KIAA1328: variants seen among roughly 807,000 people sequenced by gnomAD.
KIAA1328 encodes protein hinderin.
A neutral mutation model predicts 68.1 loss-of-function variants in KIAA1328; 52 were observed. That is an observed-to-expected ratio of 0.76 (90% CI 0.61 to 0.96). The LOEUF (loss-of-function observed/expected upper bound fraction) is 0.96, where lower values mean the gene tolerates loss of function less well. Ranked by LOEUF, KIAA1328 falls within the 40% of genes least tolerant of loss-of-function variation. KIAA1328 has a pLI of 0.00. For synonymous variants in KIAA1328, 232 were observed against 239.4 expected, an observed-to-expected ratio of 0.97 and a Z score of 0.28; for missense variants, 641 against 677.6, an observed-to-expected ratio of 0.95 and a Z score of 0.60.
At chr18:37,067,605 G>T in intron 7 of KIAA1328, 60 bp downstream of exon 7, 2 of 1,431,398 alleles carry the variant, frequency 1.4e-6, no homozygotes, top group Non-Finnish European at 1.8e-6. Context: ...CTGTTGCCCA[G>T]GCTGGAGTGT....
chr18:37,100,890 G>A (rs2057591477), intron 7 of KIAA1328, among the ~76,000 whole-genome samples: 1 of 152,210 alleles, frequency 6.6e-6, no homozygotes, highest in Non-Finnish European at 1.5e-5. Flanking sequence ...AGCCTGTGCT[G>A]CTGATACCCA....
intron 7 of KIAA1328, among the ~76,000 whole-genome samples, chr18:37,102,152 C>T (rs1371925367): frequency 2.6e-5 from 4 of 152,134 alleles, no homozygotes; most frequent in Admixed American, 2.6e-4. Context: ...AAAGATAGTG[C>T]ACCATGATCA....
chr18:36,944,621 T>C (rs1417184645), intron 5 of KIAA1328, among the ~76,000 whole-genome samples: 2 of 150,324 alleles, frequency 1.3e-5, no homozygotes, highest in African/African-American at 4.9e-5. Context: ...ACAAACAGAG[T>C]AGGTTCTTGG....
At chr18:37,072,510 T>G (rs1038807891) in intron 7 of KIAA1328, among the ~76,000 whole-genome samples, 1 of 152,166 alleles carries the variant, frequency 6.6e-6, no homozygotes, top group Non-Finnish European at 1.5e-5. Context: ...ATCAGCTTGA[T>G]TTATAGTTTT....
At chr18:37,080,367 T>C (rs1045668898) in intron 7 of KIAA1328, among the ~76,000 whole-genome samples, 1 of 152,222 alleles carries the variant, frequency 6.6e-6, no homozygotes, top group Non-Finnish European at 1.5e-5. Flanking sequence ...TTAGGAGCCC[T>C]AATGTTTTAC....
intron 9 of KIAA1328, among the ~76,000 whole-genome samples, chr18:37,195,941 A>G (rs2059995622): frequency 1.3e-5 from 2 of 152,190 alleles, no homozygotes; most frequent in Admixed American, 6.5e-5. Flanking sequence ...AGCATGGGAT[A>G]TCTTTCCATT....
intron 5 of KIAA1328, among the ~76,000 whole-genome samples, chr18:36,955,468 G>A (rs1247482076): frequency 6.6e-6 from 1 of 151,660 alleles, no homozygotes; most frequent in Non-Finnish European, 1.5e-5. Flanking sequence ...TGCCACCACA[G>A]CCAGCTAATT....
At chr18:37,079,515 A>T (rs2056874158) in intron 7 of KIAA1328, among the ~76,000 whole-genome samples, 1 of 151,684 alleles carries the variant, frequency 6.6e-6, no homozygotes, top group African/African-American at 2.4e-5. Flanking sequence ...AAATAAAAAA[A>T]AGAAGTGCAG....
intron 9 of KIAA1328, among the ~76,000 whole-genome samples, chr18:37,199,547 C>T (rs8096530): frequency 0.099 from 15,035 of 152,132 alleles, 2,510 homozygotes; most frequent in African/African-American, 0.34. Context: ...AATAGTGCTG[C>T]AATGAACAAC....
intron 9 of KIAA1328, among the ~76,000 whole-genome samples, chr18:37,184,451 A>G (rs2059756475): frequency 2.0e-5 from 3 of 152,212 alleles, no homozygotes; most frequent in Admixed American, 2.0e-4. Context: ...CCATTCCATT[A>G]TCTTATGTTC....
intron 7 of KIAA1328, among the ~76,000 whole-genome samples, chr18:37,105,847 A>C (rs1322503508): frequency 7.0e-6 from 1 of 142,714 alleles, no homozygotes; most frequent in African/African-American, 2.6e-5. Context: ...GACCCAGGAG[A>C]CAGAGGTTGC....
At chr18:37,007,414 T>G (rs527829486) in intron 6 of KIAA1328, among the ~76,000 whole-genome samples, 2 of 152,300 alleles carry the variant, frequency 1.3e-5, no homozygotes, top group East Asian at 3.9e-4. Flanking sequence ...CTTATTTTAA[T>G]ATCAGTATAG....
chr18:37,078,247 A>C (rs1402796450), intron 7 of KIAA1328, among the ~76,000 whole-genome samples: 2 of 152,212 alleles, frequency 1.3e-5, no homozygotes, highest in Non-Finnish European at 2.9e-5. Flanking sequence ...CCTATTTAAT[A>C]AATGGTGCTG....
chr18:36,907,413 T>C (rs1347691829), intron 5 of KIAA1328, among the ~76,000 whole-genome samples: 1 of 152,112 alleles, frequency 6.6e-6, no homozygotes, highest in Non-Finnish European at 1.5e-5. Flanking sequence ...AAGTATGATT[T>C]TTAGCTATAA....
At position 37,222,006 on chromosome 18, in the gene KIAA1328, A is replaced by G. The variant is rs769600141; in HGVS notation, c.1524-11A>G. 1.9e-6 allele frequency: 3 copies of G among 1,612,042 alleles called. No individual in the cohort carries two copies. Among genetic ancestry groups the G allele is most frequent in the South Asian group, 1.1e-5 (1 of 90,598 alleles). On this transcript the variant is annotated splice_polypyrimidine_tract_variant and intron_variant, in intron 9 of 9. Coordinates refer to ENST00000280020, the MANE Select transcript of KIAA1328 (RefSeq NM_020776.3). ...TCTGATCCTTTCCTGTCTGGGTTAT[A>G]TGTCTTACAGGTATGAGACATCTTT...
intron 4 of KIAA1328, among the ~76,000 whole-genome samples, chr18:36,864,248 G>C (rs1242435301): frequency 6.6e-6 from 1 of 150,842 alleles, no homozygotes; most frequent in Non-Finnish European, 1.5e-5. Context: ...TACATTGATT[G>C]ATTTTTGAAA....
chr18:36,935,242 A>T (rs1279753584), intron 5 of KIAA1328, among the ~76,000 whole-genome samples: 1 of 152,228 alleles, frequency 6.6e-6, no homozygotes, highest in Non-Finnish European at 1.5e-5. Context: ...GTGATGGCCT[A>T]CTAAATCTTT....
intron 6 of KIAA1328, among the ~76,000 whole-genome samples, chr18:37,005,048 T>C (rs1317555212): frequency 6.6e-6 from 1 of 151,948 alleles, no homozygotes; most frequent in Non-Finnish European, 1.5e-5. Flanking sequence ...GGCTAAGCTA[T>C]GAGGAGGCAA....
chr18:36,969,397 T>A (rs1227286687), intron 6 of KIAA1328, among the ~76,000 whole-genome samples: 2 of 151,778 alleles, frequency 1.3e-5, no homozygotes, highest in Non-Finnish European at 2.9e-5. Context: ...CTAGGCAGAC[T>A]AATAAAGAAG....
Sources: allele counts gnomAD v4.1 joint callset (sites outside exome capture counted in the v4.1 genomes callset), GRCh38; gene constraint gnomAD v4.1.1; transcripts MANE v1.5; gene names NCBI Gene and HGNC (gene_info 2026-07-23, HGNC 2026-07-21).